Variants in SRGAP3 observed in about 807,000 individuals in gnomAD.
The protein encoded by SRGAP3 is SLIT-ROBO Rho GTPase activating protein 3.
Under a neutral mutation model 121.1 loss-of-function variants are expected in SRGAP3, and 39 were observed. The ratio of observed to expected loss-of-function variants is 0.32; its 90% CI spans 0.25 to 0.42. The LOEUF (loss-of-function observed/expected upper bound fraction) is 0.42. Ranked by LOEUF, SRGAP3 falls within the 10% of genes least tolerant of loss-of-function variation. The pLI, the probability that SRGAP3 is intolerant of heterozygous loss-of-function variation, is 1.00. For missense variants in SRGAP3, 1,213 were observed against 1,470.6 expected (o/e 0.82, Z 2.86); for synonymous variants, 601 against 570.0 (o/e 1.05, Z -0.77).
chr3:9,104,736 T>A lies in SRGAP3; in HGVS notation c.367A>T (p.Asn123Tyr). The A allele has an allele frequency of 6.2e-7, 1 of 1,614,224 alleles. No individual in the cohort carries two copies. The highest frequency in any genetic ancestry group is 8.5e-7 in the Non-Finnish European group (1 of 1,180,042). ...HATLNDIFMN[N>Y]VIVRLSQISE... ...ATCTGGGAGAGGCGGACGATGACAT[T>A]GTTCATGAAGATGTCATTGAGGGTG... The change falls in exon 3 of 22, where the codon AAT (asparagine) becomes TAT (tyrosine). Residue 123 changes from asparagine (N) to tyrosine (Y), a missense_variant. This residue lies in a region of SRGAP3 where 793 missense variants were observed against 1,032.9 expected (regional missense o/e 0.77). Coordinates refer to ENST00000383836, the MANE Select transcript of SRGAP3 (RefSeq NM_014850.4).
chr3:9,216,237 T>C (rs1952618801), intron 1 of SRGAP3, among the ~76,000 whole-genome samples: 1 of 152,140 alleles, frequency 6.6e-6, no homozygotes, highest in Admixed American at 6.5e-5. Flanking sequence ...TCTAGAACAC[T>C]CAGGCCCTGC....
At chr3:8,994,823 G>A (rs970852111) in intron 18 of SRGAP3, among the ~76,000 whole-genome samples, 36 of 152,130 alleles carry the variant, frequency 2.4e-4, no homozygotes, top group African/African-American at 8.0e-4. Context: ...AGACAATATT[G>A]TAGAATTTTC....
intron 10 of SRGAP3, among the ~76,000 whole-genome samples, chr3:9,042,827 C>T (rs1945085134): frequency 6.6e-6 from 1 of 152,110 alleles, no homozygotes; most frequent in Admixed American, 6.5e-5. Flanking sequence ...ATTTCCTGTT[C>T]CCCCTCCTCT....
chr3:9,171,009 T>C (rs1950957656), intron 1 of SRGAP3, among the ~76,000 whole-genome samples: 8 of 152,242 alleles, frequency 5.3e-5, no homozygotes, highest in Admixed American at 5.2e-4. Context: ...GTGCTGATCC[T>C]GGCCTTGGGC....
intron 1 of SRGAP3, among the ~76,000 whole-genome samples, chr3:9,336,648 C>T (rs945604771): frequency 2.0e-5 from 3 of 152,056 alleles, no homozygotes; most frequent in Non-Finnish European, 4.4e-5. Context: ...TTGAGCAAAG[C>T]CTGGAGGTGA....
chr3:9,224,773 G>A (rs1952930738), intron 1 of SRGAP3, among the ~76,000 whole-genome samples: 2 of 152,120 alleles, frequency 1.3e-5, no homozygotes, highest in East Asian at 1.9e-4. Context: ...AGAACAGCAG[G>A]GCATCTCCTA....
chr3:9,092,842 G>A (rs902829760), intron 3 of SRGAP3, among the ~76,000 whole-genome samples: 1 of 152,130 alleles, frequency 6.6e-6, no homozygotes, highest in African/African-American at 2.4e-5. Context: ...CTTCCAAGTC[G>A]AGGTAGCTGG....
At chr3:9,005,805 G>C (rs1049450129) in intron 18 of SRGAP3, among the ~76,000 whole-genome samples, 9 of 152,196 alleles carry the variant, frequency 5.9e-5, no homozygotes, top group Non-Finnish European at 1.3e-4. Context: ...ATAGCTAAAG[G>C]GTACAGGGCT....
At chr3:9,106,030 T>C (rs1948408800) in intron 2 of SRGAP3, among the ~76,000 whole-genome samples, 1 of 152,222 alleles carries the variant, frequency 6.6e-6, no homozygotes, top group Non-Finnish European at 1.5e-5. Context: ...TTATGTGTAC[T>C]TGAAATACGG....
intron 1 of SRGAP3, among the ~76,000 whole-genome samples, chr3:9,167,965 G>C (rs910182070): frequency 1.3e-5 from 2 of 152,174 alleles, no homozygotes; most frequent in Non-Finnish European, 2.9e-5. Flanking sequence ...TATAGCATTT[G>C]TACAGCCATT....
At chr3:9,128,121 A>AT (rs1226833248) in intron 1 of SRGAP3, among the ~76,000 whole-genome samples, 13 of 152,256 alleles carry the variant, frequency 8.5e-5, no homozygotes, top group African/African-American at 2.6e-4. Flanking sequence ...CAGAATCTGC[A>AT]TTTTATCAAG....
chr3:9,315,247 T>C (rs758992510), intron 3 of SRGAP3, among the ~76,000 whole-genome samples: 2 of 152,102 alleles, frequency 1.3e-5, no homozygotes, highest in Non-Finnish European at 2.9e-5. Context: ...CCACCCAACC[T>C]TTTCCCAGAT....
At chr3:9,075,603 C>T (rs1247150153) in intron 4 of SRGAP3, among the ~76,000 whole-genome samples, 2 of 152,282 alleles carry the variant, frequency 1.3e-5, no homozygotes, top group African/African-American at 4.8e-5. Context: ...TTCTCTAAAG[C>T]AAGTGATGGG....
chr3:9,212,440 G>A (rs941385726), intron 1 of SRGAP3, among the ~76,000 whole-genome samples: 2 of 152,200 alleles, frequency 1.3e-5, no homozygotes, highest in African/African-American at 2.4e-5. Flanking sequence ...AGCAAGCTGG[G>A]GCCAGGCACA....
chr3:9,288,042 C>T (rs1168431327), intron 3 of SRGAP3, among the ~76,000 whole-genome samples: 1 of 151,992 alleles, frequency 6.6e-6, no homozygotes, highest in Non-Finnish European at 1.5e-5. Context: ...ATATTATCTC[C>T]ACATTCTTTG....
At chr3:9,289,968 G>T (rs1056248201) in intron 3 of SRGAP3, among the ~76,000 whole-genome samples, 1 of 152,166 alleles carries the variant, frequency 6.6e-6, no homozygotes, top group African/African-American at 2.4e-5. Flanking sequence ...AAAATTAGCC[G>T]GGTGTCATGG....
Position 8,984,993 on chromosome 3 carries a change from TG to T in SRGAP3, c.*525del. On this transcript the variant is annotated 3_prime_UTR_variant, in exon 22 of 22. Transcript: ENST00000383836. The stretch of plus-strand genomic sequence containing the variant: ...ACTCGGTGGGAGATGTTTGGTGGCA[TG>T]GATCTGAGGTAAATCTAAGTTTCAT... 1 of 228,556 alleles carries T rather than the reference TG, an allele frequency of 4.4e-6. No homozygotes were observed. The highest frequency in any genetic ancestry group is 8.7e-6 in the Non-Finnish European group (1 of 114,918). The allele number at this position is 228,556 out of a possible 1,614,324, so 14.2% of individuals were successfully genotyped here. A position where few individuals can be genotyped will look rare whatever the true frequency, so the allele number is the denominator to read the frequency against.
chr3:9,042,559 G>A (rs1304015542), intron 10 of SRGAP3, among the ~76,000 whole-genome samples: 1 of 152,136 alleles, frequency 6.6e-6, no homozygotes, highest in African/African-American at 2.4e-5. Context: ...CCTGAGCAAA[G>A]CCACAAGCAG....
At chr3:9,359,943 G>A (rs573364083) in intron 1 of SRGAP3, among the ~76,000 whole-genome samples, 98 of 152,244 alleles carry the variant, frequency 6.4e-4, no homozygotes, top group Non-Finnish European at 8.2e-4. Context: ...TGTTTTTGTT[G>A]TTTAGAGATG....
Sources: gnomAD v4.1 joint callset for allele counts (sites outside exome capture counted in the v4.1 genomes callset) on GRCh38, gnomAD v4.1.1 for gene constraint, gnomAD v4.1.1 regional missense constraint, MANE v1.5 for transcripts, NCBI Gene and HGNC (gene_info 2026-07-23, HGNC 2026-07-21) for gene names.